The following SEM1 variants were observed in gnomAD, a reference collection of about 807,000 sequenced individuals.
The protein encoded by SEM1 is 26S proteasome complex subunit SEM1.
In SEM1, 3 loss-of-function variants were observed where a neutral mutation model predicts 12.7. The ratio of observed to expected loss-of-function variants is 0.24; its 90% CI spans 0.11 to 0.61. The LOEUF (loss-of-function observed/expected upper bound fraction) is 0.61, where lower values mean the gene tolerates loss of function less well. SEM1 is among the 20% of genes least tolerant of loss of function. The pLI is 0.88. For missense variants in SEM1, 59 were observed against 81.3 expected (o/e 0.73, Z 1.06); for synonymous variants, 30 against 27.8 (o/e 1.08, Z -0.25).
downstream of SEM1, among the ~76,000 whole-genome samples, chr7:96,686,647 T>A (rs1437781469): frequency 6.6e-6 from 1 of 152,138 alleles, no homozygotes; most frequent in Non-Finnish European, 1.5e-5. Flanking sequence ...TCAAGATGGA[T>A]TAAAGACTTA....
intron 2 of SEM1, among the ~76,000 whole-genome samples, chr7:96,546,459 T>A (rs1440100358): frequency 6.6e-6 from 1 of 152,076 alleles, no homozygotes; most frequent in Admixed American, 6.6e-5. Context: ...ATCCTCCACA[T>A]CTTTCACATG....
At chr7:96,515,480 G>T (rs62470047) in intron 2 of SEM1, among the ~76,000 whole-genome samples, 19,151 of 152,140 alleles carry the variant, frequency 0.13, 1,312 homozygotes, top group South Asian at 0.19. Flanking sequence ...ATTCCTCAAG[G>T]ATCTAGAAAT....
At chr7:96,615,180 A>G (rs1807669883) in intron 2 of SEM1, among the ~76,000 whole-genome samples, 1 of 147,632 alleles carries the variant, frequency 6.8e-6, no homozygotes, top group Non-Finnish European at 1.5e-5. Flanking sequence ...ATTTGATTGC[A>G]TTTACCAGTT....
chr7:96,514,042 A>G (rs1804013019), intron 2 of SEM1, among the ~76,000 whole-genome samples: 1 of 152,220 alleles, frequency 6.6e-6, no homozygotes, highest in East Asian at 1.9e-4. Flanking sequence ...CAGATGATTC[A>G]TGATATACAT....
At chr7:96,616,713 T>C (rs1454507805) in intron 2 of SEM1, among the ~76,000 whole-genome samples, 1 of 152,184 alleles carries the variant, frequency 6.6e-6, no homozygotes, top group Non-Finnish European at 1.5e-5. Context: ...CCATCTTGAC[T>C]TAATTTTTGT....
chr7:96,539,072 G>A (rs1449188037), intron 2 of SEM1, among the ~76,000 whole-genome samples: 2 of 151,784 alleles, frequency 1.3e-5, no homozygotes, highest in African/African-American at 4.8e-5. Context: ...AAGCTAGCAT[G>A]TTCAAGGTTC....
chr7:96,525,760 T>A (rs559295747), intron 2 of SEM1, among the ~76,000 whole-genome samples: 1 of 152,236 alleles, frequency 6.6e-6, no homozygotes, highest in African/African-American at 2.4e-5. Context: ...TCCTGTCAGA[T>A]CAGAGGCGCG....
rs2116448190 is a variant in SEM1 at position 96,650,630 on chromosome 7, A to C, written c.171-27987T>G. ...AGACATTACTTAGAATTTAAATGAA[A>C]CCCCCCAAGTTCCAAATTTAAACAC... On this transcript the variant is annotated intron_variant, in intron 2 of 2. Coordinates refer to the SEM1 transcript ENST00000417009. The C allele has an allele frequency of 7.7e-6, 5 of 647,956 alleles. No homozygotes were observed. In the South Asian group the frequency reaches 8.7e-5, roughly 11 times the overall value. 40.1% of individuals were successfully genotyped at this position (647,956 alleles called of 1,614,324 possible). A position where few individuals can be genotyped will look rare whatever the true frequency, so the allele number is the denominator to read the frequency against.
At chr7:96,569,935 G>C (rs553633548) in intron 2 of SEM1, among the ~76,000 whole-genome samples, 1 of 151,890 alleles carries the variant, frequency 6.6e-6, no homozygotes, top group Non-Finnish European at 1.5e-5. Context: ...AATTATCGTT[G>C]ATGGAAACTT....
intron 2 of SEM1, chr7:96,506,743 C>T (rs1398070241): frequency 1.3e-5 from 2 of 151,906 alleles, no homozygotes; most frequent in Admixed American, 6.6e-5. Context: ...GGAACTTGCA[C>T]ATATAATTGC....
chr7:96,496,154 A>G lies in SEM1; in HGVS notation c.12+130T>C, dbSNP rs79620035. Reference sequence around the variant, plus strand: ...AATACCCAGAGCTCGATTTGACTAAAACCAAACATTCATTTTAACTCGTTA... The same window carrying G: ...AATACCCAGAGCTCGATTTGACTAAGACCAAACATTCATTTTAACTCGTTA... On this transcript the variant is annotated intron_variant, in intron 1 of 3. Coordinates refer to the SEM1 transcript ENST00000356686. 212 of 562,930 alleles carry G rather than the reference A, an allele frequency of 3.8e-4. 3 individuals are homozygous for G. In the East Asian group the frequency reaches 5.7e-3, roughly 15 times the overall value. 34.9% of individuals were successfully genotyped at this position (562,930 alleles called of 1,614,324 possible).
Position 96,653,685 on chromosome 7 carries a change from ATAAC to A in SEM1, c.171-31046_171-31043del, listed in dbSNP as rs374045978. 67 of 152,350 alleles carry A rather than the reference ATAAC, an allele frequency of 4.4e-4. 1 individual carries two copies. The highest frequency in any genetic ancestry group is 1.5e-3 in the African/African-American group (63 of 41,578). The allele number at this position is 152,350 out of a possible 1,614,324, so 9.4% of individuals were successfully genotyped here. On this transcript the variant is annotated intron_variant, in intron 2 of 2. Coordinates refer to the SEM1 transcript ENST00000417009. ...TCAACTTTCTCATTTATTCCTCCCA[ATAAC>A]TAATCTATATCATTATTACCTTTGC...
intron 2 of SEM1, among the ~76,000 whole-genome samples, chr7:96,633,932 T>A (rs1414178052): frequency 5.3e-5 from 8 of 152,190 alleles, no homozygotes; most frequent in Non-Finnish European, 1.0e-4. Flanking sequence ...AAAAGTCCAC[T>A]GTGAATATTA....
At chr7:96,505,778 T>C (rs913908577) in intron 3 of SEM1, among the ~76,000 whole-genome samples, 4 of 152,106 alleles carry the variant, frequency 2.6e-5, no homozygotes, top group African/African-American at 9.6e-5. Flanking sequence ...CTCTTGAGGG[T>C]GGAGGCTTCT....
chr7:96,542,317 CTTA>C (rs1804981909), intron 2 of SEM1, among the ~76,000 whole-genome samples: 1 of 151,664 alleles, frequency 6.6e-6, no homozygotes. Flanking sequence ...GATATATCAC[CTTA>C]TTGGTTACAT....
chr7:96,504,509 C>A (rs1803683803), intron 3 of SEM1, among the ~76,000 whole-genome samples: 1 of 151,942 alleles, frequency 6.6e-6, no homozygotes, highest in Non-Finnish European at 1.5e-5. Context: ...TACATCTATA[C>A]CTCTCCTCAT....
At chr7:96,618,791 A>T (rs1019812036), downstream of SEM1, among the ~76,000 whole-genome samples, 1 of 152,182 alleles carries the variant, frequency 6.6e-6, no homozygotes, top group Non-Finnish European at 1.5e-5. Flanking sequence ...TCTACAAAAA[A>T]ATTTAAAAAT....
chr7:96,642,894 T>G (rs1184712594), intron 2 of SEM1, among the ~76,000 whole-genome samples: 1 of 152,100 alleles, frequency 6.6e-6, no homozygotes, highest in African/African-American at 2.4e-5. Context: ...TACATTATGT[T>G]TCTATGGGCC....
intron 1 of SEM1, among the ~76,000 whole-genome samples, chr7:96,495,184 G>A (rs1803192221): frequency 6.6e-6 from 1 of 152,080 alleles, no homozygotes; most frequent in African/African-American, 2.4e-5. Flanking sequence ...GAATTTTTTG[G>A]TTATGGATAA....
Sources: allele counts gnomAD v4.1 joint callset (sites outside exome capture counted in the v4.1 genomes callset), GRCh38; gene constraint gnomAD v4.1.1; transcripts MANE v1.5; gene names NCBI Gene and HGNC (gene_info 2026-07-23, HGNC 2026-07-21).